The following ARHGAP39 variants were observed in gnomAD, a reference collection of about 807,000 sequenced individuals.
The protein encoded by ARHGAP39 is rho GTPase-activating protein 39.
ARHGAP39 carries 44 observed loss-of-function variants against 106.9 expected under a neutral mutation model. The ratio of observed to expected loss-of-function variants is 0.41; its 90% CI spans 0.32 to 0.53. The LOEUF (loss-of-function observed/expected upper bound fraction) is 0.53. ARHGAP39 is among the 20% of genes least tolerant of loss of function. The probability of loss-of-function intolerance (pLI) is 0.21; values close to 1 mark genes in which losing one functional copy is unlikely to be tolerated. For synonymous variants in ARHGAP39, 768 were observed against 693.2 expected, an observed-to-expected ratio of 1.11 and a Z score of -1.69; for missense variants, 1,496 against 1,577.3, an observed-to-expected ratio of 0.95 and a Z score of 0.87.
At chr8:144,681,856 T>A (rs1822428141) in intron 1 of ARHGAP39, among the ~76,000 whole-genome samples, 1 of 152,068 alleles carries the variant, frequency 6.6e-6, no homozygotes, top group Admixed American at 6.5e-5. Flanking sequence ...ATGAAGGTGA[T>A]GAGATGCGAT....
intron 1 of ARHGAP39, among the ~76,000 whole-genome samples, chr8:144,660,882 G>A (rs769910618): frequency 1.3e-5 from 2 of 152,086 alleles, no homozygotes; most frequent in South Asian, 2.1e-4. Flanking sequence ...TACTCGGGAC[G>A]CTGAGGCAGG....
In ARHGAP39 at chr8:144,591,351, C is replaced by A. The variant is rs919290893; in HGVS notation, c.81-10074G>T. The stretch of plus-strand genomic sequence containing the variant: ...GCAGCCTCAGGGCACCCAAGGAAAC[C>A]CCAAGAAGGCACCTGCAAGCAGACA... On this transcript the variant is annotated intron_variant, in intron 2 of 11. Coordinates refer to ENST00000377307, the MANE Select transcript of ARHGAP39 (RefSeq NM_025251.3). The surrounding 1 kb of genome is among the most constrained non-coding windows in gnomAD (Gnocchi z 5.3). 1.3e-5 allele frequency among the ~76,000 whole-genome samples: 2 copies of A among 152,188 alleles called. No homozygotes were observed. The highest frequency in any genetic ancestry group is 4.8e-5 in the African/African-American group (2 of 41,444).
intron 1 of ARHGAP39, among the ~76,000 whole-genome samples, chr8:144,666,317 C>G (rs527281385): frequency 3.5e-4 from 54 of 152,264 alleles, no homozygotes; most frequent in Admixed American, 2.6e-3. Context: ...GGACTGTGGA[C>G]TTCTGGGTTA....
chr8:144,587,972 C>T (rs1479980548), intron 2 of ARHGAP39, among the ~76,000 whole-genome samples: 2 of 152,202 alleles, frequency 1.3e-5, no homozygotes, highest in Admixed American at 6.5e-5. Flanking sequence ...AGATCAGCCT[C>T]CAGTCTCTGA....
chr8:144,644,712 G>C lies in ARHGAP39; in HGVS notation c.-81-39017C>G, dbSNP rs114085445. Among the ~76,000 whole-genome samples the C allele has an allele frequency of 4.1e-3, 626 of 152,246 alleles. 4 individuals are homozygous for C. Among genetic ancestry groups the C allele is most frequent in the African/African-American group, 0.015 (603 of 41,544 alleles). ...TCTGCAGGACTTCATCATCAACCCA[G>C]GCCAAACCACGTCCCTGTCCGTGAC... is the stretch of plus-strand genomic sequence containing the variant. On this transcript the variant is annotated intron_variant, in intron 1 of 11. Transcript: ENST00000377307. The surrounding 1 kb of genome is among the most constrained non-coding windows in gnomAD (Gnocchi z 4.8).
Position 144,604,302 on chromosome 8 carries a change from C to T in ARHGAP39, c.80+1233G>A, listed in dbSNP as rs76618323. ...CAGCAGTGTCTGCAGATGCGGGGCC[C>T]GGGAGGACCCAACACCACCTGTATG... On this transcript the variant is annotated intron_variant, in intron 2 of 11. Coordinates refer to ENST00000377307, the MANE Select transcript of ARHGAP39 (RefSeq NM_025251.3). The surrounding 1 kb of genome is among the most constrained non-coding windows in gnomAD (Gnocchi z 4.1). Among the ~76,000 whole-genome samples, 237 of 152,262 alleles carry T rather than the reference C, an allele frequency of 1.6e-3. 1 individual carries two copies. The East Asian group carries it at 0.023, about 15-fold the overall frequency.
chr8:144,547,935 C>G lies in ARHGAP39; in HGVS notation c.1151G>C (p.Ser384Thr), dbSNP rs1036735693. ...TKQKCPERFLSLEYSPAGKEY... is the reference protein window; with the variant it reads ...TKQKCPERFLTLEYSPAGKEY... Reference sequence around the variant, plus strand: ...CTTGCCGGCGGGACTGTACTCCAGGCTCAGGAAGCGCTCGGGACACTTCTG... The same window carrying G: ...CTTGCCGGCGGGACTGTACTCCAGGGTCAGGAAGCGCTCGGGACACTTCTG... The change falls in exon 5 of 12, where the codon AGC (serine) becomes ACC (threonine). Residue 384 changes from serine to threonine, a missense_variant. Physicochemically the swap from Ser to Thr is moderately conservative, Grantham distance 58 (BLOSUM62 1). Coordinates refer to ENST00000377307, the MANE Select transcript of ARHGAP39 (RefSeq NM_025251.3). The surrounding 1 kb of genome is among the most constrained non-coding windows in gnomAD (Gnocchi z 5.2). 2 of 1,592,338 alleles carry G rather than the reference C, an allele frequency of 1.3e-6. No homozygotes were observed. Among genetic ancestry groups the G allele is most frequent in the Non-Finnish European group, 1.7e-6 (2 of 1,169,878 alleles).
At chr8:144,654,970 C>T (rs1470152410) in intron 1 of ARHGAP39, among the ~76,000 whole-genome samples, 2 of 152,212 alleles carry the variant, frequency 1.3e-5, no homozygotes, top group Non-Finnish European at 2.9e-5. Flanking sequence ...AACATCCCTG[C>T]ACTCTTGGGG....
At chr8:144,686,299 G>A (rs1157463268), upstream of ARHGAP39, among the ~76,000 whole-genome samples, 1 of 151,942 alleles carries the variant, frequency 6.6e-6, no homozygotes, top group Non-Finnish European at 1.5e-5. Flanking sequence ...TTCACCTCCT[G>A]TTATTCTCAC....
the ARHGAP39 span, among the ~76,000 whole-genome samples, chr8:144,692,748 CT>C: frequency 0.019 from 1,287 of 69,064 alleles, 7 homozygotes; most frequent in African/African-American, 0.067. Context: ...TTGTAAAATT[CT>C]TTTTTTTTTT....
rs1163447636 is a variant in ARHGAP39 at position 144,547,045 on chromosome 8, C to G, written c.1959+82G>C. On this transcript the variant is annotated intron_variant, in intron 5 of 11. Coordinates refer to ENST00000377307, the MANE Select transcript of ARHGAP39 (RefSeq NM_025251.3). The surrounding 1 kb of genome is among the most constrained non-coding windows in gnomAD (Gnocchi z 5.2). ...TGCGTGCACGCCCTGGACGCCAGGT[C>G]TCCTGTGCCTGGCCCACGGGGTCCA... 1 of 1,438,742 alleles carries G rather than the reference C, an allele frequency of 7.0e-7. No homozygotes were observed. The highest frequency in any genetic ancestry group is 2.5e-5 in the East Asian group (1 of 40,382). 89.1% of individuals were successfully genotyped at this position (1,438,742 alleles called of 1,614,324 possible).
chr8:144,683,320 T>C (rs552861689), intron 1 of ARHGAP39: 1 of 149,278 alleles, frequency 6.7e-6, no homozygotes, highest in East Asian at 2.0e-4. Flanking sequence ...GTCTCAAAAA[T>C]TAAAAATAAA....
In ARHGAP39 at chr8:144,537,818, G is replaced by A. The variant is rs368831025; in HGVS notation, c.2522-5C>T. On this transcript the variant is annotated splice_polypyrimidine_tract_variant and splice_region_variant and intron_variant, in intron 6 of 11. Coordinates refer to ENST00000377307, the MANE Select transcript of ARHGAP39 (RefSeq NM_025251.3). The stretch of plus-strand genomic sequence containing the variant: ...GCTCTTTTATGTGCTGTGTCACTGG[G>A]GAGCAAAGACAACCATCAGCACGAC... 2.2e-5 allele frequency: 35 copies of A among 1,613,524 alleles called. No individual in the cohort carries two copies. The Admixed American group carries it at 5.5e-4, about 25-fold the overall frequency.
chr8:144,663,566 A>G (rs531386701), intron 1 of ARHGAP39, among the ~76,000 whole-genome samples: 2 of 152,068 alleles, frequency 1.3e-5, no homozygotes, highest in East Asian at 3.9e-4. Context: ...GACTGAACAA[A>G]CCACAGCCAA....
intron 1 of ARHGAP39, among the ~76,000 whole-genome samples, chr8:144,609,667 G>A (rs1378301991): frequency 6.6e-6 from 1 of 152,088 alleles, no homozygotes; most frequent in East Asian, 1.9e-4. Flanking sequence ...TCCCAAAGTT[G>A]TTGGGATTAC....
chr8:144,629,462 A>C (rs1774130591), intron 1 of ARHGAP39, among the ~76,000 whole-genome samples: 1 of 152,230 alleles, frequency 6.6e-6, no homozygotes, highest in South Asian at 2.1e-4. Context: ...GAGCTGCAGC[A>C]GGCTGGGGAA....
intron 1 of ARHGAP39, among the ~76,000 whole-genome samples, chr8:144,606,909 C>A (rs1820311876): frequency 6.7e-6 from 1 of 149,086 alleles, no homozygotes; most frequent in South Asian, 2.1e-4. Context: ...CTTAATTGGA[C>A]ACACACAAAA....
chr8:144,566,892 G>T (rs1416344860), intron 3 of ARHGAP39, among the ~76,000 whole-genome samples: 2 of 151,498 alleles, frequency 1.3e-5, no homozygotes, highest in Non-Finnish European at 2.9e-5. Flanking sequence ...AAAGGAGCTA[G>T]AGTTAAAAGA....
upstream of ARHGAP39, among the ~76,000 whole-genome samples, chr8:144,689,938 C>A (rs1360684281): frequency 6.7e-6 from 1 of 148,728 alleles, no homozygotes; most frequent in African/African-American, 2.5e-5. Flanking sequence ...GTAGGGATGG[C>A]GTGTCACCAC....
Sources: allele counts gnomAD v4.1 joint callset (sites outside exome capture counted in the v4.1 genomes callset), GRCh38; gene constraint gnomAD v4.1.1; non-coding constraint Gnocchi (gnomAD v3.1); transcripts MANE v1.5; gene names NCBI Gene and HGNC (gene_info 2026-07-23, HGNC 2026-07-21).